SLC16A12: variants seen among roughly 807,000 people sequenced by gnomAD.
SLC16A12 encodes the protein monocarboxylate transporter 12.
A neutral mutation model predicts 42.4 loss-of-function variants in SLC16A12; 17 were observed. That is an observed-to-expected ratio of 0.40 (90% CI 0.27 to 0.60). The LOEUF is 0.60. SLC16A12 is among the 20% of genes least tolerant of loss of function. The pLI is 0.42. For synonymous variants in SLC16A12, 224 were observed against 229.4 expected (o/e 0.98, Z 0.21); for missense variants, 544 against 623.0 (o/e 0.87, Z 1.35).
At chr10:89,446,017 A>G (rs1375903693) in intron 3 of SLC16A12, among the ~76,000 whole-genome samples, 1 of 152,230 alleles carries the variant, frequency 6.6e-6, no homozygotes, top group African/African-American at 2.4e-5. Context: ...GTGATTGAAG[A>G]TCAAATTAAT....
At chr10:89,497,041 T>A (rs1381632838) in intron 2 of SLC16A12, among the ~76,000 whole-genome samples, 1 of 152,170 alleles carries the variant, frequency 6.6e-6, no homozygotes, top group Non-Finnish European at 1.5e-5. Context: ...ATGAGAAAAG[T>A]GTGAACCTGA....
At chr10:89,435,176 C>A (rs143881792) in intron 7 of SLC16A12, among the ~76,000 whole-genome samples, 52 of 152,288 alleles carry the variant, frequency 3.4e-4, no homozygotes, top group Admixed American at 5.2e-4. Flanking sequence ...ATAAACCAGG[C>A]CATCCACTAA....
intron 2 of SLC16A12, among the ~76,000 whole-genome samples, chr10:89,522,074 G>A (rs562723254): frequency 3.3e-5 from 5 of 152,258 alleles, no homozygotes; most frequent in East Asian, 1.9e-4. Context: ...CATTCTCAGC[G>A]TCAAGTTTGA....
At chr10:89,463,971 A>G (rs1296818891) in intron 2 of SLC16A12, among the ~76,000 whole-genome samples, 1 of 152,120 alleles carries the variant, frequency 6.6e-6, no homozygotes, top group Non-Finnish European at 1.5e-5. Flanking sequence ...TACCCAACAG[A>G]ATATGGCACC....
At chr10:89,556,656 C>T (rs1843817640), upstream of SLC16A12, 1 of 152,220 alleles carries the variant, frequency 6.6e-6, no homozygotes, top group Non-Finnish European at 1.5e-5. Context: ...GGGTTCCTGC[C>T]CCATACCATG....
At chr10:89,531,107 T>G (rs575970747) in intron 2 of SLC16A12, among the ~76,000 whole-genome samples, 1 of 152,232 alleles carries the variant, frequency 6.6e-6, no homozygotes, top group South Asian at 2.1e-4. Context: ...TTAGGCAATA[T>G]TTCATTAAAT....
chr10:89,456,108 C>T (rs948996248), intron 3 of SLC16A12: 1 of 152,216 alleles, frequency 6.6e-6, no homozygotes, highest in Non-Finnish European at 1.5e-5. Flanking sequence ...AATTGATCTA[C>T]TGGGCACTGC....
intron 2 of SLC16A12, among the ~76,000 whole-genome samples, chr10:89,502,330 A>T (rs1295290149): frequency 1.3e-5 from 2 of 152,052 alleles, no homozygotes; most frequent in African/African-American, 4.8e-5. Flanking sequence ...GAAGCCTATA[A>T]TCCCAGCTAC....
chr10:89,546,618 A>G (rs771064649), intron 2 of SLC16A12, among the ~76,000 whole-genome samples: 1 of 152,252 alleles, frequency 6.6e-6, no homozygotes, highest in Non-Finnish European at 1.5e-5. Flanking sequence ...TGTGGAAGAT[A>G]GTATCGCGAT....
upstream of SLC16A12, among the ~76,000 whole-genome samples, chr10:89,539,857 T>TTTTCTTTATTTC (rs767393215): frequency 4.7e-5 from 6 of 127,858 alleles, no homozygotes; most frequent in Middle Eastern, 3.5e-3. Context: ...AGAAACAAAT[T>TTTTCTTTATTTC]TTTCTTTCTT....
intron 2 of SLC16A12, among the ~76,000 whole-genome samples, chr10:89,474,110 T>C (rs911576465): frequency 2.0e-5 from 3 of 152,220 alleles, no homozygotes; most frequent in African/African-American, 7.2e-5. Flanking sequence ...CTGAATTACC[T>C]ATCACTCCTG....
intron 3 of SLC16A12, among the ~76,000 whole-genome samples, chr10:89,451,629 C>T (rs143345108): frequency 4.6e-4 from 70 of 152,192 alleles, no homozygotes; most frequent in Middle Eastern, 3.4e-3. Context: ...TCAGGCTGGT[C>T]TCGAACTCCT....
intron 2 of SLC16A12, among the ~76,000 whole-genome samples, chr10:89,528,055 G>A (rs564550145): frequency 1.3e-5 from 2 of 152,086 alleles, no homozygotes; most frequent in South Asian, 4.2e-4. Context: ...TAAAAGTCTG[G>A]CCAGGCATGG....
intron 3 of SLC16A12, among the ~76,000 whole-genome samples, chr10:89,446,209 C>T (rs1377911819): frequency 6.6e-6 from 1 of 152,092 alleles, no homozygotes; most frequent in Non-Finnish European, 1.5e-5. Flanking sequence ...GAGAACTTCC[C>T]CAATCTAGTG....
chr10:89,496,055 G>T (rs1373563407), intron 2 of SLC16A12, among the ~76,000 whole-genome samples: 3 of 151,940 alleles, frequency 2.0e-5, no homozygotes, highest in Non-Finnish European at 4.4e-5. Flanking sequence ...AAATAGTTAA[G>T]AAATTACCAT....
At chr10:89,487,364 G>A (rs1842772497) in intron 2 of SLC16A12, among the ~76,000 whole-genome samples, 1 of 152,070 alleles carries the variant, frequency 6.6e-6, no homozygotes, top group African/African-American at 2.4e-5. Flanking sequence ...AGGATGTGGA[G>A]AAAAGGGAAC....
intron 2 of SLC16A12, among the ~76,000 whole-genome samples, chr10:89,517,753 A>C (rs2133849156): frequency 6.6e-6 from 1 of 152,306 alleles, no homozygotes; most frequent in Admixed American, 6.5e-5. Context: ...ATTTATATAA[A>C]ACTTCACAGT....
At chr10:89,470,157 C>T (rs1380752698) in intron 2 of SLC16A12, among the ~76,000 whole-genome samples, 1 of 152,082 alleles carries the variant, frequency 6.6e-6, no homozygotes, top group Non-Finnish European at 1.5e-5. Context: ...TAAATGCATC[C>T]CCAGGCAAGG....
chr10:89,481,859 G>A (rs1424491979), intron 2 of SLC16A12, among the ~76,000 whole-genome samples: 1 of 152,094 alleles, frequency 6.6e-6, no homozygotes, highest in African/African-American at 2.4e-5. Context: ...AGAATGCAAT[G>A]TTCTTTCTCA....
Sources: gnomAD v4.1 joint callset for allele counts (sites outside exome capture counted in the v4.1 genomes callset) on GRCh38, gnomAD v4.1.1 for gene constraint, MANE v1.5 for transcripts, NCBI Gene and HGNC (gene_info 2026-07-23, HGNC 2026-07-21) for gene names.